Variants in AGBL1 observed in about 807,000 individuals in gnomAD.
The protein encoded by AGBL1 is AGBL carboxypeptidase 1.
In AGBL1, 130 loss-of-function variants were observed where a neutral mutation model predicts 118.9. The ratio of observed to expected loss-of-function variants is 1.09; its 90% CI spans 0.95 to 1.26. The LOEUF (loss-of-function observed/expected upper bound fraction) is 1.26. Among genes scored for constraint, AGBL1 ranks in the 50% most tolerant of loss-of-function variants. The probability of loss-of-function intolerance (pLI) is 0.00; values close to 1 mark genes in which losing one functional copy is unlikely to be tolerated. For missense variants in AGBL1, 1,584 were observed against 1,298.1 expected, an observed-to-expected ratio of 1.22 and a Z score of -3.38; for synonymous variants, 555 against 478.9, an observed-to-expected ratio of 1.16 and a Z score of -2.08.
chr15:86,577,172 A>G (rs752759862), intron 21 of AGBL1, among the ~76,000 whole-genome samples: 4 of 152,192 alleles, frequency 2.6e-5, no homozygotes, highest in Admixed American at 1.3e-4. Flanking sequence ...TTATAGTGAT[A>G]TGGACAATGA....
chr15:86,160,979 C>T (rs1210792556), intron 5 of AGBL1, among the ~76,000 whole-genome samples: 1 of 152,166 alleles, frequency 6.6e-6, no homozygotes, highest in African/African-American at 2.4e-5. Flanking sequence ...GAAACCTCTT[C>T]CTCAGAGACT....
intron 13 of AGBL1, 68 bp from the exon 14 acceptor site, chr15:86,269,851 T>C: frequency 4.5e-6 from 7 of 1,551,030 alleles, no homozygotes; most frequent in Non-Finnish European, 6.2e-6. Flanking sequence ...AACGTGTAGA[T>C]TCTTAGTGTC....
chr15:86,381,430 A>G (rs1002856112), intron 17 of AGBL1, among the ~76,000 whole-genome samples: 1 of 152,034 alleles, frequency 6.6e-6, no homozygotes, highest in African/African-American at 2.4e-5. Flanking sequence ...TCAGGTCTCA[A>G]ATATTTTTCT....
intron 22 of AGBL1, among the ~76,000 whole-genome samples, chr15:86,822,660 A>G (rs1300865447): frequency 6.6e-6 from 1 of 152,160 alleles, no homozygotes; most frequent in Admixed American, 6.6e-5. Flanking sequence ...GAAGCCAAAG[A>G]AAGAGGCTGA....
intron 24 of AGBL1, among the ~76,000 whole-genome samples, chr15:87,008,159 A>G (rs1169645865): frequency 6.6e-6 from 1 of 152,146 alleles, no homozygotes; most frequent in Non-Finnish European, 1.5e-5. Flanking sequence ...GAATTAGTAG[A>G]CTGGGTAAGG....
chr15:86,463,294 T>G (rs1188285661), intron 18 of AGBL1, among the ~76,000 whole-genome samples: 1 of 151,964 alleles, frequency 6.6e-6, no homozygotes, highest in Non-Finnish European at 1.5e-5. Context: ...GTTTGTTTTT[T>G]TTTTTTGTAA....
chr15:86,693,091 C>T (rs555648917), intron 22 of AGBL1, among the ~76,000 whole-genome samples: 53 of 152,088 alleles, frequency 3.5e-4, no homozygotes, highest in Non-Finnish European at 5.3e-4. Context: ...GTATCTTTTT[C>T]GTATAATGAC....
chr15:86,740,419 G>A lies in AGBL1; in HGVS notation c.3158+65983G>A, dbSNP rs374398022. Among the ~76,000 whole-genome samples the A allele has an allele frequency of 9.4e-4, 143 of 152,262 alleles. 2 individuals carry two copies. The South Asian group carries it at 0.028, about 30-fold the overall frequency. ...TTGACATAAAATTGTTGCCAGGTAT[G>A]CCCCACACTCTTGTGTTCTTTTAGT... On this transcript the variant is annotated intron_variant, in intron 22 of 22. Coordinates refer to ENST00000614907, the MANE Select transcript of AGBL1 (RefSeq NM_001386094.1).
At chr15:86,409,609 C>A (rs2081582390) in intron 18 of AGBL1, among the ~76,000 whole-genome samples, 1 of 152,098 alleles carries the variant, frequency 6.6e-6, no homozygotes, top group Non-Finnish European at 1.5e-5. Context: ...CTAATTTATG[C>A]CATCATAAAC....
chr15:86,622,867 G>A (rs988840435), intron 21 of AGBL1, among the ~76,000 whole-genome samples: 1 of 152,104 alleles, frequency 6.6e-6, no homozygotes, highest in Non-Finnish European at 1.5e-5. Flanking sequence ...ATCAGTGGGA[G>A]CCCTGAACTC....
intron 22 of AGBL1, among the ~76,000 whole-genome samples, chr15:86,844,051 T>C (rs953200758): frequency 2.0e-5 from 3 of 152,212 alleles, no homozygotes; most frequent in African/African-American, 7.2e-5. Context: ...TCTTATAGCA[T>C]TTATCAGTAG....
chr15:86,996,369 A>G (rs918290166), intron 24 of AGBL1, among the ~76,000 whole-genome samples: 7 of 152,136 alleles, frequency 4.6e-5, no homozygotes, highest in African/African-American at 1.7e-4. Context: ...CTCTAGCACC[A>G]TATTAAACTT....
intron 17 of AGBL1, among the ~76,000 whole-genome samples, chr15:86,297,452 C>A (rs1402654205): frequency 6.6e-6 from 1 of 152,146 alleles, no homozygotes; most frequent in African/African-American, 2.4e-5. Flanking sequence ...CTGCTACTAT[C>A]TTTATAAAAT....
intron 8 of AGBL1, 145 bp downstream of exon 8, chr15:86,257,163 A>G: frequency 1.0e-6 from 1 of 973,294 alleles, no homozygotes; most frequent in Admixed American, 3.2e-5. Flanking sequence ...TATATGAAAA[A>G]GCAGTTTTGA....
chr15:86,243,148 T>A (rs1337743519), intron 6 of AGBL1, among the ~76,000 whole-genome samples: 1 of 152,218 alleles, frequency 6.6e-6, no homozygotes, highest in African/African-American at 2.4e-5. Context: ...GGATACATTT[T>A]TTTTTCCTCC....
intron 1 of AGBL1, among the ~76,000 whole-genome samples, chr15:86,136,750 C>T (rs1001681060): frequency 5.9e-5 from 9 of 152,020 alleles, no homozygotes; most frequent in East Asian, 1.9e-4. Flanking sequence ...ACGTAAAGGG[C>T]GTCACTTTCA....
intron 23 of AGBL1, among the ~76,000 whole-genome samples, chr15:86,963,005 C>T (rs1005301564): frequency 1.1e-4 from 17 of 152,000 alleles, no homozygotes; most frequent in African/African-American, 3.4e-4. Flanking sequence ...TAAAACGTGA[C>T]GATTAAAACG....
chr15:86,884,557 A>G (rs2079942631), intron 22 of AGBL1, among the ~76,000 whole-genome samples: 1 of 152,230 alleles, frequency 6.6e-6, no homozygotes, highest in South Asian at 2.1e-4. Context: ...TCACGGCTAT[A>G]ATACCAGCCT....
chr15:86,539,675 A>C (rs1449920778), intron 19 of AGBL1, among the ~76,000 whole-genome samples: 1 of 152,154 alleles, frequency 6.6e-6, no homozygotes, highest in African/African-American at 2.4e-5. Context: ...AAATCTACAG[A>C]TCCTTCTTGC....
Sources: gnomAD v4.1 joint callset for allele counts (sites outside exome capture counted in the v4.1 genomes callset) on GRCh38, gnomAD v4.1.1 for gene constraint, MANE v1.5 for transcripts, NCBI Gene and HGNC (gene_info 2026-07-23, HGNC 2026-07-21) for gene names.